FBP1: variants seen among roughly 807,000 people sequenced by gnomAD.
The protein encoded by FBP1 is fructose-bisphosphatase 1.
A neutral mutation model predicts 29.9 loss-of-function variants in FBP1; 22 were observed. The ratio of observed to expected loss-of-function variants is 0.74; its 90% CI spans 0.53 to 1.05. The LOEUF is 1.05. Ranked by LOEUF, FBP1 falls within the 50% of genes least tolerant of loss-of-function variation. The pLI is 0.00. For missense variants in FBP1, 345 were observed against 448.2 expected (o/e 0.77, Z 2.08); for synonymous variants, 175 against 178.6 (o/e 0.98, Z 0.16).
intron 3 of FBP1, 152 bp from the exon 4 acceptor site, chr9:94,610,213 C>T (rs1268039712): frequency 1.7e-5 from 13 of 773,000 alleles, no homozygotes; most frequent in Non-Finnish European, 2.4e-5. Flanking sequence ...CAGCAATATC[C>T]TGATTAGATT....
Position 94,636,025 on chromosome 9 carries a change from G to A in FBP1, c.170+3116C>T, listed in dbSNP as rs528408837. Reference sequence around the variant, plus strand: ...CTTATATGACTGTAAAAGAGTATCCGGAAAAATAAGCAGTAAATTATTTGC... The same window carrying A: ...CTTATATGACTGTAAAAGAGTATCCAGAAAAATAAGCAGTAAATTATTTGC... On this transcript the variant is annotated intron_variant, in intron 1 of 6. Coordinates refer to ENST00000375326, the MANE Select transcript of FBP1 (RefSeq NM_000507.4). 1.1e-4 allele frequency among the ~76,000 whole-genome samples: 16 copies of A among 152,264 alleles called. 1 individual carries two copies. In the East Asian group the frequency reaches 1.7e-3, roughly 16 times the overall value.
intron 3 of FBP1, 96 bp downstream of exon 3, chr9:94,617,672 A>G: frequency 1.3e-6 from 1 of 794,552 alleles, no homozygotes; most frequent in Non-Finnish European, 2.2e-6. Context: ...CAGTTTCATG[A>G]TCTCCACTCC....
chr9:94,617,647 T>A, intron 3 of FBP1, 121 bp downstream of exon 3: 1 of 724,672 alleles, frequency 1.4e-6, no homozygotes, highest in Non-Finnish European at 2.5e-6. Context: ...GAGATACAAA[T>A]CTACTTCAGT....
intron 1 of FBP1, among the ~76,000 whole-genome samples, chr9:94,638,096 AAAAAAAAGAAAAG>A (rs61710843): frequency 0.25 from 37,306 of 148,466 alleles, 5,824 homozygotes; most frequent in East Asian, 0.55. Context: ...CAAAAAAAAA[AAAAAAAAGAAAAG>A]AAAAAGAAAA....
rs1828252875 is a variant in FBP1, at chr9:94,639,492, G to A, written c.-182C>T. ...AGACCGACTGCCGCCCCGAGTGTCC[G>A]CAGCGCTCGTGGTGCAACTGGGCCA... is the stretch of plus-strand genomic sequence containing the variant. On this transcript the variant is annotated 5_prime_UTR_variant, in exon 1 of 7. Coordinates refer to ENST00000375326, the MANE Select transcript of FBP1 (RefSeq NM_000507.4). The A allele has an allele frequency of 2.8e-6, 2 of 705,202 alleles. No homozygotes were observed. Among genetic ancestry groups the A allele is most frequent in the Non-Finnish European group, 2.4e-6 (1 of 410,224 alleles). 43.7% of individuals were successfully genotyped at this position (705,202 alleles called of 1,614,324 possible).
chr9:94,612,667 C>T (rs1827803398), intron 3 of FBP1, among the ~76,000 whole-genome samples: 1 of 151,572 alleles, frequency 6.6e-6, no homozygotes, highest in African/African-American at 2.4e-5. Context: ...AGTGATTCTC[C>T]TGCCTCAGCC....
intron 3 of FBP1, among the ~76,000 whole-genome samples, chr9:94,612,417 C>T (rs550098813): frequency 1.1e-3 from 160 of 152,286 alleles, no homozygotes; most frequent in African/African-American, 3.6e-3. Context: ...AAATGCTCTA[C>T]ATTTATACAC....
chr9:94,603,681 G>C, intron 6 of FBP1, 109 bp from the exon 7 acceptor site: 3 of 997,064 alleles, frequency 3.0e-6, no homozygotes, highest in Non-Finnish European at 4.7e-6. Flanking sequence ...CCAAGGGAAC[G>C]AATACTGTAT....
At chr9:94,609,203 A>G (rs2993962) in intron 4 of FBP1, among the ~76,000 whole-genome samples, 46,139 of 139,064 alleles carry the variant, frequency 0.33, 7,297 homozygotes, top group East Asian at 0.54. Flanking sequence ...AAAAAAAAAA[A>G]AAAGAAAGAA....
chr9:94,606,470 CT>C (rs924068182), intron 5 of FBP1, among the ~76,000 whole-genome samples: 1 of 152,198 alleles, frequency 6.6e-6, no homozygotes, highest in Non-Finnish European at 1.5e-5. Context: ...ATTTGTTTAA[CT>C]TTATTATCCT....
At chr9:94,607,202 A>G (rs969457143) in intron 4 of FBP1, among the ~76,000 whole-genome samples, 3 of 152,246 alleles carry the variant, frequency 2.0e-5, no homozygotes, top group African/African-American at 7.2e-5. Context: ...ATATGATTTC[A>G]GTCAAACAAG....
chr9:94,604,504 C>G (rs185343846), intron 6 of FBP1, among the ~76,000 whole-genome samples: 1 of 146,740 alleles, frequency 6.8e-6, no homozygotes, highest in Non-Finnish European at 1.5e-5. Flanking sequence ...AAAAAGGCAG[C>G]CACGCGTGGT....
chr9:94,632,991 C>T (rs1828125942), intron 1 of FBP1, among the ~76,000 whole-genome samples: 1 of 152,248 alleles, frequency 6.6e-6, no homozygotes, highest in African/African-American at 2.4e-5. Flanking sequence ...GGCAAAACAG[C>T]CTGCAGCTGG....
chr9:94,619,235 T>A (rs1827906277), intron 2 of FBP1, among the ~76,000 whole-genome samples: 1 of 152,180 alleles, frequency 6.6e-6, no homozygotes, highest in Admixed American at 6.5e-5. Context: ...CATGTACGGC[T>A]ATTTTAGGAA....
chr9:94,622,071 C>T (rs1185025500), intron 1 of FBP1, among the ~76,000 whole-genome samples: 1 of 152,202 alleles, frequency 6.6e-6, no homozygotes, highest in Non-Finnish European at 1.5e-5. Context: ...CCCTGGGCCC[C>T]TGGCAGGAGT....
In FBP1 at chr9:94,639,320, G is replaced by T. The variant is rs199970657; in HGVS notation, c.-10C>A. On this transcript the variant is annotated 5_prime_UTR_variant, in exon 1 of 7. Transcript: ENST00000375326. ...GCGCCTGGTCAGCCATGCTTGAACC[G>T]GGTAGAGCGCGGGGCTGCAGGTGCA... is the stretch of plus-strand genomic sequence containing the variant. 8.1e-6 allele frequency: 13 copies of T among 1,604,566 alleles called. No individual in the cohort carries two copies. In the African/African-American group the frequency reaches 1.5e-4, roughly 18 times the overall value.
At chr9:94,608,974 GC>G (rs1827740920) in intron 4 of FBP1, among the ~76,000 whole-genome samples, 1 of 152,168 alleles carries the variant, frequency 6.6e-6, no homozygotes, top group Non-Finnish European at 1.5e-5. Context: ...GCTGAGGCGG[GC>G]AGATCACCTG....
At chr9:94,617,004 A>G (rs1827874257) in intron 3 of FBP1, among the ~76,000 whole-genome samples, 1 of 151,958 alleles carries the variant, frequency 6.6e-6, no homozygotes, top group South Asian at 2.1e-4. Flanking sequence ...AGGTGTTAGG[A>G]GACCCGAGCA....
At chr9:94,634,228 A>C (rs552068532) in intron 1 of FBP1, among the ~76,000 whole-genome samples, 2 of 150,394 alleles carry the variant, frequency 1.3e-5, no homozygotes, top group South Asian at 4.2e-4. Flanking sequence ...CGGGAGGCGG[A>C]GGTTGCAGTG....
Sources: allele counts gnomAD v4.1 joint callset (sites outside exome capture counted in the v4.1 genomes callset), GRCh38; gene constraint gnomAD v4.1.1; transcripts MANE v1.5; gene names NCBI Gene and HGNC (gene_info 2026-07-23, HGNC 2026-07-21).